Variants in BTBD9 observed in about 807,000 individuals in gnomAD.
The protein encoded by BTBD9 is BTB domain containing 9, also known as BTB/POZ domain-containing protein 9.
BTBD9 carries 49 observed loss-of-function variants against 64.3 expected under a neutral mutation model. The observed-to-expected ratio is 0.76, with a 90% CI of 0.61 to 0.97. BTBD9 has a LOEUF of 0.97. BTBD9 is among the 50% of genes least tolerant of loss of function. The pLI, the probability that BTBD9 is intolerant of heterozygous loss-of-function variation, is 0.00. For synonymous variants in BTBD9, 260 were observed against 274.7 expected (o/e 0.95, Z 0.53); for missense variants, 598 against 762.1 (o/e 0.78, Z 2.53).
At chr6:38,512,778 A>G (rs1772831100) in intron 6 of BTBD9, among the ~76,000 whole-genome samples, 1 of 152,170 alleles carries the variant, frequency 6.6e-6, no homozygotes, top group Non-Finnish European at 1.5e-5. Context: ...ATTATTACAA[A>G]CCATTCTTTA....
intron 6 of BTBD9, among the ~76,000 whole-genome samples, chr6:38,502,410 TGTTGA>T (rs891376178): frequency 1.4e-4 from 22 of 152,342 alleles, no homozygotes; most frequent in African/African-American, 5.1e-4. Flanking sequence ...AAATTTTGCT[TGTTGA>T]GTTTTTATTA....
chr6:38,371,314 GA>G (rs1765417534), intron 6 of BTBD9, among the ~76,000 whole-genome samples: 1 of 152,166 alleles, frequency 6.6e-6, no homozygotes. Flanking sequence ...AAAAGACAGA[GA>G]AATTTAAACT....
At chr6:38,427,510 A>G (rs917215277) in intron 6 of BTBD9, among the ~76,000 whole-genome samples, 3 of 151,966 alleles carry the variant, frequency 2.0e-5, no homozygotes, top group South Asian at 2.1e-4. Flanking sequence ...TGCATGGGCT[A>G]GCCATGCACA....
At chr6:38,418,687 T>G (rs1767778423) in intron 6 of BTBD9, among the ~76,000 whole-genome samples, 1 of 152,252 alleles carries the variant, frequency 6.6e-6, no homozygotes, top group Non-Finnish European at 1.5e-5. Context: ...GTCCCACAGC[T>G]ATACTGTGTA....
intron 1 of BTBD9, among the ~76,000 whole-genome samples, chr6:38,624,004 G>A (rs777051194): frequency 3.9e-5 from 6 of 152,226 alleles, no homozygotes; most frequent in Non-Finnish European, 5.9e-5. Context: ...AGTTCCCAAC[G>A]GCAGTTTGGG....
chr6:38,376,059 T>G (rs1765686812), intron 6 of BTBD9, among the ~76,000 whole-genome samples: 1 of 152,134 alleles, frequency 6.6e-6, no homozygotes, highest in Admixed American at 6.5e-5. Flanking sequence ...ACCCAAAATT[T>G]AGGAGCAAAA....
intron 1 of BTBD9, among the ~76,000 whole-genome samples, chr6:38,638,813 G>A (rs1778618916): frequency 1.3e-5 from 2 of 152,152 alleles, no homozygotes; most frequent in African/African-American, 2.4e-5. Flanking sequence ...AGAAAAGACT[G>A]GCTTCTTCCC....
intron 9 of BTBD9, among the ~76,000 whole-genome samples, chr6:38,252,829 G>A (rs892864159): frequency 7.9e-5 from 12 of 152,308 alleles, no homozygotes; most frequent in Admixed American, 6.5e-4. Context: ...ACACTGGGCC[G>A]GGCACTGTGG....
At chr6:38,186,460 A>G (rs1429224909) in intron 10 of BTBD9, among the ~76,000 whole-genome samples, 3 of 152,220 alleles carry the variant, frequency 2.0e-5, no homozygotes, top group Non-Finnish European at 4.4e-5. Flanking sequence ...CCATATGACT[A>G]TAGAAACTCT....
intron 6 of BTBD9, among the ~76,000 whole-genome samples, chr6:38,487,634 A>T (rs948570138): frequency 2.0e-5 from 3 of 150,394 alleles, no homozygotes; most frequent in Admixed American, 6.6e-5. Context: ...AAGGAAGGAA[A>T]GAAAGAGGAA....
chr6:38,289,358 G>A (rs978062997), intron 7 of BTBD9, among the ~76,000 whole-genome samples: 1 of 151,948 alleles, frequency 6.6e-6, no homozygotes, highest in Non-Finnish European at 1.5e-5. Flanking sequence ...TTAATAACAC[G>A]GTGAGACTCC....
chr6:38,409,305 A>C (rs956344328), intron 6 of BTBD9, among the ~76,000 whole-genome samples: 2 of 152,224 alleles, frequency 1.3e-5, no homozygotes, highest in Non-Finnish European at 2.9e-5. Context: ...AATGTGAATT[A>C]ACTTAATTCC....
At chr6:38,297,022 A>G (rs1183533695) in intron 7 of BTBD9, among the ~76,000 whole-genome samples, 1 of 152,152 alleles carries the variant, frequency 6.6e-6, no homozygotes, top group Admixed American at 6.6e-5. Context: ...AAAATTGCCA[A>G]TTGTATTATT....
chr6:38,270,182 GAACA>G (rs1292651018), intron 8 of BTBD9, among the ~76,000 whole-genome samples: 2 of 152,160 alleles, frequency 1.3e-5, no homozygotes, highest in Non-Finnish European at 2.9e-5. Flanking sequence ...TCCTCATCAA[GAACA>G]AACATTTATG....
intron 6 of BTBD9, among the ~76,000 whole-genome samples, chr6:38,529,650 T>C (rs67863657): frequency 0.19 from 28,177 of 152,200 alleles, 2,650 homozygotes; most frequent in East Asian, 0.27. Flanking sequence ...ACATAAATTG[T>C]GAAGATTTCA....
intron 6 of BTBD9, among the ~76,000 whole-genome samples, chr6:38,555,076 G>A (rs1774957454): frequency 1.3e-5 from 2 of 152,294 alleles, no homozygotes; most frequent in African/African-American, 4.8e-5. Context: ...TTTATGTAAT[G>A]CCTTTTGATT....
intron 6 of BTBD9, among the ~76,000 whole-genome samples, chr6:38,441,660 T>C (rs983660711): frequency 6.6e-6 from 1 of 152,016 alleles, no homozygotes; most frequent in African/African-American, 2.4e-5. Context: ...CAAGTGATCC[T>C]CCCACCTTGG....
In BTBD9 at chr6:38,594,043, A is replaced by G. The variant is rs373994469; in HGVS notation, c.470T>C (p.Leu157Ser). The change falls in exon 3 of 11, where the codon TTA becomes TCA. Residue 157 changes from leucine (L) to serine (S), a missense_variant. Leu to Ser is a moderately radical substitution (Grantham distance 145). Coordinates refer to ENST00000481247, the MANE Select transcript of BTBD9 (RefSeq NM_001099272.2). ...DVASLYSLPK[L>S]TCMCCMFMDR... ...CATAAACATGCAGCACATACAAGTT[A>G]ACTTGGGAAGTGAGTAGAGACTGGC... 1.4e-5 allele frequency: 22 copies of G among 1,614,090 alleles called. No homozygotes were observed. The African/African-American group carries it at 2.9e-4, about 22-fold the overall frequency.
intron 2 of BTBD9, 173 bp from the exon 3 acceptor site, chr6:38,594,500 G>T: frequency 1.4e-6 from 1 of 728,702 alleles, no homozygotes; most frequent in Non-Finnish European, 2.1e-6. Context: ...GACACAAGAG[G>T]AATGATTTTA....
Sources: gnomAD v4.1 joint callset for allele counts (sites outside exome capture counted in the v4.1 genomes callset) on GRCh38, gnomAD v4.1.1 for gene constraint, MANE v1.5 for transcripts, NCBI Gene and HGNC (gene_info 2026-07-23, HGNC 2026-07-21) for gene names.